The following SACM1L variants were observed in gnomAD, a reference collection of about 807,000 sequenced individuals.
SACM1L encodes the protein phosphatidylinositol-3-phosphatase SAC1.
SACM1L carries 32 observed loss-of-function variants against 89.5 expected under a neutral mutation model. The ratio of observed to expected loss-of-function variants is 0.36; its 90% CI spans 0.27 to 0.48. The LOEUF (loss-of-function observed/expected upper bound fraction) is 0.48. SACM1L is among the 20% of genes least tolerant of loss of function. The pLI, the probability that SACM1L is intolerant of heterozygous loss-of-function variation, is 0.99. For missense variants in SACM1L, 543 were observed against 708.5 expected, an observed-to-expected ratio of 0.77 and a Z score of 2.65; for synonymous variants, 213 against 232.8, an observed-to-expected ratio of 0.92 and a Z score of 0.77.
chr3:45,741,363 A>AT (rs1207843534), intron 19 of SACM1L, among the ~76,000 whole-genome samples: 1 of 152,164 alleles, frequency 6.6e-6, no homozygotes, highest in Non-Finnish European at 1.5e-5. Context: ...CAGAGGTGGT[A>AT]TACCTCTTTG....
Position 45,744,351 on chromosome 3 carries a change from A to T in SACM1L, c.*682A>T, listed in dbSNP as rs1299387381. On this transcript the variant is annotated 3_prime_UTR_variant, in exon 20 of 20. Coordinates refer to ENST00000389061, the MANE Select transcript of SACM1L (RefSeq NM_014016.5). ...GAATTCAGATATACTTTATCTTTTT[A>T]AAAAAGTGTAAATAAAATCAAAGAA... 1.3e-5 allele frequency: 2 copies of T among 152,614 alleles called. No individual in the cohort carries two copies. Among genetic ancestry groups the T allele is most frequent in the African/African-American group, 2.4e-5 (1 of 41,452 alleles). 9.5% of individuals were successfully genotyped at this position (152,614 alleles called of 1,614,324 possible).
chr3:45,717,375 A>G (rs2673029), intron 7 of SACM1L, among the ~76,000 whole-genome samples: 95,744 of 152,110 alleles, frequency 0.63, 30,579 homozygotes, highest in Non-Finnish European at 0.66. Context: ...TCATTTTTAC[A>G]AAAAAGCAAG....
At position 45,703,512 on chromosome 3, in the gene SACM1L, T is replaced by G; in HGVS notation, c.107T>G (p.Val36Gly). The change falls in exon 2 of 20, where the codon GTG becomes GGG. Residue 36 changes from valine (V) to glycine (G), a missense_variant. By Grantham distance (109) the Val-to-Gly change is moderately radical (BLOSUM62 -3). This residue lies in a region of SACM1L where 173 missense variants were observed against 180.9 expected (regional missense o/e 0.96). Coordinates refer to ENST00000389061, the MANE Select transcript of SACM1L (RefSeq NM_014016.5). The stretch of plus-strand genomic sequence containing the variant: ...GATGACGTACTTACCATTGACCGTG[T>G]GTCCACAGAGGTTACCCTTGCAGGT... ...GADDVLTIDR[V>G]STEVTLAVKK... The G allele has an allele frequency of 6.2e-7, 1 of 1,612,786 alleles. No individual in the cohort carries two copies. Among genetic ancestry groups the G allele is most frequent in the Non-Finnish European group, 8.5e-7 (1 of 1,178,948 alleles).
chr3:45,734,570 C>CAGG (rs1699156553), intron 13 of SACM1L: 1 of 152,096 alleles, frequency 6.6e-6, no homozygotes, highest in Non-Finnish European at 1.5e-5. Flanking sequence ...GATCCTCCCA[C>CAGG]TTTAGCCTTC....
chr3:45,722,396 G>A (rs998186292), intron 9 of SACM1L, among the ~76,000 whole-genome samples: 19 of 152,058 alleles, frequency 1.2e-4, no homozygotes, highest in African/African-American at 4.3e-4. Context: ...GATAGGACAA[G>A]CTGATGGCTT....
At position 45,703,544 on chromosome 3, in the gene SACM1L, C is replaced by T; in HGVS notation, c.130+9C>T. ...AGAGGTTACCCTTGCAGGTATTTTACAGCCAGATTTAGAAGTTTAGGGAGA... is the reference window on the plus strand; with the variant it reads ...AGAGGTTACCCTTGCAGGTATTTTATAGCCAGATTTAGAAGTTTAGGGAGA... On this transcript the variant is annotated intron_variant, in intron 2 of 19. Coordinates refer to ENST00000389061, the MANE Select transcript of SACM1L (RefSeq NM_014016.5). 2 of 1,575,790 alleles carry T rather than the reference C, an allele frequency of 1.3e-6. No individual in the cohort carries two copies. The highest frequency in any genetic ancestry group is 1.7e-6 in the Non-Finnish European group (2 of 1,146,222).
intron 7 of SACM1L, among the ~76,000 whole-genome samples, chr3:45,714,693 A>G (rs1698608256): frequency 6.6e-6 from 1 of 152,244 alleles, no homozygotes; most frequent in African/African-American, 2.4e-5. Flanking sequence ...TAAGTAGAGT[A>G]CAAAGAATAT....
chr3:45,705,641 T>C (rs1245220759), intron 3 of SACM1L, among the ~76,000 whole-genome samples: 2 of 151,946 alleles, frequency 1.3e-5, no homozygotes, highest in African/African-American at 4.8e-5. Context: ...TAGCTGGGAT[T>C]ACAGGTGCCT....
intron 7 of SACM1L, among the ~76,000 whole-genome samples, chr3:45,716,216 G>A: frequency 6.6e-6 from 1 of 152,288 alleles, no homozygotes; most frequent in Non-Finnish European, 1.5e-5. Context: ...GCGCATGTCT[G>A]TAATCTCAGT....
intron 5 of SACM1L, among the ~76,000 whole-genome samples, chr3:45,711,694 A>G (rs13101054): frequency 0.025 from 3,746 of 152,310 alleles, 53 homozygotes; most frequent in Middle Eastern, 0.041. Flanking sequence ...TTTTAACTTA[A>G]AACCTAAAAG....
At chr3:45,738,474 A>C in intron 16 of SACM1L, 104 bp from the exon 17 acceptor site, 1 of 649,864 alleles carries the variant, frequency 1.5e-6, no homozygotes, top group Non-Finnish European at 2.7e-6. Flanking sequence ...TAGTTTTTAA[A>C]ATCTGTCACT....
chr3:45,724,298 GGTGTGTGTGTGT>G (rs61075879), intron 11 of SACM1L, among the ~76,000 whole-genome samples: 26 of 139,714 alleles, frequency 1.9e-4, no homozygotes, highest in Admixed American at 4.3e-4. Context: ...GTTGTTTTCT[GGTGTGTGTGTGT>G]GTGTGTGTGT....
chr3:45,741,871 A>G (rs557880780), intron 19 of SACM1L, among the ~76,000 whole-genome samples: 186 of 152,320 alleles, frequency 1.2e-3, no homozygotes, highest in Non-Finnish European at 1.9e-3. Context: ...AAGCACAGGT[A>G]TTGCCTGGGA....
At chr3:45,723,400 TA>T (rs1698834514) in intron 10 of SACM1L, 74 bp from the exon 11 acceptor site, 1 of 544,282 alleles carries the variant, frequency 1.8e-6, no homozygotes, top group Non-Finnish European at 2.7e-6. Context: ...CCTTTAAAAA[TA>T]TTATAAATAT....
chr3:45,702,695 G>T (rs371244814), intron 1 of SACM1L, among the ~76,000 whole-genome samples: 1 of 152,158 alleles, frequency 6.6e-6, no homozygotes, highest in African/African-American at 2.4e-5. Flanking sequence ...TTGCTTGCCT[G>T]AACTATTTAA....
At chr3:45,721,948 G>A (rs1698798044) in intron 8 of SACM1L, 52 bp from the exon 9 acceptor site, 2 of 1,213,028 alleles carry the variant, frequency 1.6e-6, no homozygotes, top group South Asian at 2.5e-5. Context: ...GGTTTCTGAT[G>A]TGTTTCTTTG....
intron 11 of SACM1L, 75 bp from the exon 12 acceptor site, chr3:45,731,226 T>C: frequency 2.2e-6 from 2 of 913,872 alleles, no homozygotes; most frequent in Non-Finnish European, 3.4e-6. Flanking sequence ...TAGAGCTTCC[T>C]AGTTTGTCCT....
intron 11 of SACM1L, among the ~76,000 whole-genome samples, chr3:45,726,573 A>G (rs1214322131): frequency 6.6e-6 from 1 of 151,936 alleles, no homozygotes; most frequent in African/African-American, 2.4e-5. Context: ...GTCACTCTTG[A>G]TTTTAGTAAT....
At chr3:45,719,675 GTATTT>G (rs1256681099) in intron 8 of SACM1L, 74 bp downstream of exon 8, 3 of 814,148 alleles carry the variant, frequency 3.7e-6, no homozygotes, top group Non-Finnish European at 3.9e-6. Context: ...GTAACCTTTT[GTATTT>G]TATTTGTTTT....
Sources: gnomAD v4.1 joint callset for allele counts (sites outside exome capture counted in the v4.1 genomes callset) on GRCh38, gnomAD v4.1.1 for gene constraint, gnomAD v4.1.1 regional missense constraint, MANE v1.5 for transcripts, NCBI Gene and HGNC (gene_info 2026-07-23, HGNC 2026-07-21) for gene names.